Variants in SPATS2 observed in about 807,000 individuals in gnomAD.
SPATS2 encodes the protein spermatogenesis-associated serine-rich protein 2.
In SPATS2, 38 loss-of-function variants were observed where a neutral mutation model predicts 63.7. The ratio of observed to expected loss-of-function variants is 0.60; its 90% CI spans 0.46 to 0.78. The LOEUF is 0.78. Ranked by LOEUF, SPATS2 falls within the 30% of genes least tolerant of loss-of-function variation. SPATS2 has a pLI of 0.00. For synonymous variants in SPATS2, 207 were observed against 232.9 expected (o/e 0.89, Z 1.01); for missense variants, 588 against 666.2 (o/e 0.88, Z 1.29).
intron 9 of SPATS2, chr12:49,513,041 G>A (rs9919740): frequency 0.022 from 13,541 of 607,866 alleles, 216 homozygotes; most frequent in Middle Eastern, 0.058. Context: ...CATGCGTAAC[G>A]ATTATCAAAC....
At chr12:49,389,712 G>T in intron 2 of SPATS2, 2 of 1,550,364 alleles carry the variant, frequency 1.3e-6, no homozygotes. Flanking sequence ...GTCCACGTTA[G>T]TTATGGGAAT....
chr12:49,414,256 A>T (rs1037160095), intron 2 of SPATS2, among the ~76,000 whole-genome samples: 4 of 152,158 alleles, frequency 2.6e-5, no homozygotes, highest in African/African-American at 7.2e-5. Context: ...CCACACTTGC[A>T]CATTGATAGA....
At chr12:49,481,798 G>T (rs1347575191) in intron 3 of SPATS2, among the ~76,000 whole-genome samples, 2 of 151,898 alleles carry the variant, frequency 1.3e-5, no homozygotes, top group Non-Finnish European at 2.9e-5. Context: ...TCTTGCCTGA[G>T]AATTTTTTTT....
chr12:49,436,253 C>T (rs1387151974), intron 2 of SPATS2, among the ~76,000 whole-genome samples: 5 of 146,296 alleles, frequency 3.4e-5, no homozygotes, highest in Non-Finnish European at 6.1e-5. Flanking sequence ...CCGGACGGGG[C>T]GGCTGGCCGG....
At chr12:49,516,493 G>A (rs961773384) in intron 10 of SPATS2, among the ~76,000 whole-genome samples, 4 of 151,760 alleles carry the variant, frequency 2.6e-5, no homozygotes, top group African/African-American at 7.3e-5. Context: ...TGATCACGAG[G>A]TCAAGAGATC....
intron 11 of SPATS2, among the ~76,000 whole-genome samples, chr12:49,521,002 A>G (rs2138083606): frequency 6.6e-6 from 1 of 152,234 alleles, no homozygotes; most frequent in Admixed American, 6.5e-5. Flanking sequence ...TACAGGCATG[A>G]GCCACCACGC....
intron 3 of SPATS2, among the ~76,000 whole-genome samples, chr12:49,471,903 C>T (rs921093089): frequency 6.6e-6 from 1 of 152,060 alleles, no homozygotes; most frequent in Admixed American, 6.6e-5. Flanking sequence ...ATTCCCAGTA[C>T]TTTGGGAGGG....
rs1300812946 is a variant in SPATS2, at chr12:49,484,645, A to G, written c.81A>G (p.Gly27=). The G allele has an allele frequency of 6.2e-7, 1 of 1,613,946 alleles. No homozygotes were observed. The highest frequency in any genetic ancestry group is 1.1e-5 in the South Asian group (1 of 91,080). Residue 27 remains glycine, a synonymous_variant, in exon 4 of 14, where the codon GGA becomes GGG. Coordinates refer to ENST00000552918, the MANE Select transcript of SPATS2 (RefSeq NM_023071.4). ...LQSNTVLAQG[G]AFENMKEKIN... ...CCAATACCGTACTGGCCCAGGGAGG[A>G]GCTTTTGAGAACATGAAAGAGAAGG...
At chr12:49,374,958 C>CA (rs10687716) in intron 2 of SPATS2, among the ~76,000 whole-genome samples, 4,417 of 24,594 alleles carry the variant, frequency 0.18, 1,062 homozygotes, top group African/African-American at 0.23. Context: ...GGATCTGTCT[C>CA]AAAAAAAAAA....
intron 9 of SPATS2, among the ~76,000 whole-genome samples, chr12:49,511,756 T>C (rs1946757332): frequency 6.6e-6 from 1 of 152,238 alleles, no homozygotes; most frequent in African/African-American, 2.4e-5. Context: ...AAAGTTGTGT[T>C]ACAATAGATT....
chr12:49,424,811 C>G (rs907177142), intron 2 of SPATS2, among the ~76,000 whole-genome samples: 1 of 152,140 alleles, frequency 6.6e-6, no homozygotes, highest in African/African-American at 2.4e-5. Context: ...TCCCAAGTAG[C>G]TGGGATTACA....
intron 4 of SPATS2, among the ~76,000 whole-genome samples, chr12:49,489,132 T>A (rs1946343773): frequency 6.6e-6 from 1 of 152,218 alleles, no homozygotes; most frequent in South Asian, 2.1e-4. Flanking sequence ...TCCACCTTTC[T>A]TTACAGTATG....
intron 3 of SPATS2, among the ~76,000 whole-genome samples, chr12:49,464,185 T>G (rs1945868655): frequency 6.6e-6 from 1 of 152,114 alleles, no homozygotes. Flanking sequence ...TATGGAGTTG[T>G]GCACCATCAC....
intron 2 of SPATS2, among the ~76,000 whole-genome samples, chr12:49,452,100 A>G (rs1945633069): frequency 6.6e-6 from 1 of 152,026 alleles, no homozygotes. Flanking sequence ...CTTTGTGTGT[A>G]TTGCAGCTAT....
intron 2 of SPATS2, among the ~76,000 whole-genome samples, chr12:49,406,094 T>A (rs1026016888): frequency 2.0e-5 from 3 of 152,024 alleles, no homozygotes; most frequent in Non-Finnish European, 4.4e-5. Context: ...TGAAACCCTG[T>A]CTATACTAAA....
intron 2 of SPATS2, among the ~76,000 whole-genome samples, chr12:49,399,686 A>G (rs1362214142): frequency 1.3e-5 from 2 of 152,214 alleles, no homozygotes; most frequent in Non-Finnish European, 2.9e-5. Context: ...TGCTTGAAAG[A>G]AACAAATAGC....
intron 9 of SPATS2, among the ~76,000 whole-genome samples, chr12:49,514,132 A>G (rs939919499): frequency 4.7e-5 from 7 of 150,146 alleles, no homozygotes; most frequent in East Asian, 3.9e-4. Context: ...ACTCCAGCCT[A>G]GGAGACAGCG....
chr12:49,473,381 T>C (rs2137767064), intron 3 of SPATS2, among the ~76,000 whole-genome samples: 1 of 152,258 alleles, frequency 6.6e-6, no homozygotes, highest in South Asian at 2.1e-4. Context: ...ACACCCACTG[T>C]ACTCCAGCCT....
intron 3 of SPATS2, among the ~76,000 whole-genome samples, chr12:49,471,668 C>T (rs1162014744): frequency 6.6e-6 from 1 of 152,154 alleles, no homozygotes; most frequent in Non-Finnish European, 1.5e-5. Context: ...GTGTATAGCT[C>T]AGTGGCATTA....
Sources: allele counts gnomAD v4.1 joint callset (sites outside exome capture counted in the v4.1 genomes callset), GRCh38; gene constraint gnomAD v4.1.1; transcripts MANE v1.5; gene names NCBI Gene and HGNC (gene_info 2026-07-23, HGNC 2026-07-21).